KIAA1217: variants seen among roughly 807,000 people sequenced by gnomAD.
KIAA1217 encodes KIAA1217.
In KIAA1217, 88 loss-of-function variants were observed where a neutral mutation model predicts 163.9. That is an observed-to-expected ratio of 0.54 (90% CI 0.45 to 0.64). KIAA1217 has a LOEUF of 0.64. Ranked by LOEUF, KIAA1217 falls within the 30% of genes least tolerant of loss-of-function variation. The pLI is 0.00. For synonymous variants in KIAA1217, 903 were observed against 923.1 expected, an observed-to-expected ratio of 0.98 and a Z score of 0.39; for missense variants, 2,372 against 2,475.0, an observed-to-expected ratio of 0.96 and a Z score of 0.88.
intron 2 of KIAA1217, among the ~76,000 whole-genome samples, chr10:24,326,863 G>A (rs1344316954): frequency 6.6e-6 from 1 of 152,112 alleles, no homozygotes; most frequent in African/African-American, 2.4e-5. Context: ...GATAATTAGG[G>A]AAACGAATGA....
chr10:24,003,433 T>C (rs556578553), intron 1 of KIAA1217, among the ~76,000 whole-genome samples: 3 of 152,218 alleles, frequency 2.0e-5, no homozygotes, highest in Non-Finnish European at 4.4e-5. Context: ...CTTTTTTTTA[T>C]GTTTTTTGGC....
At chr10:24,125,322 C>CTGTGTGTGTG (rs58143239) in intron 2 of KIAA1217, among the ~76,000 whole-genome samples, 1,863 of 143,778 alleles carry the variant, frequency 0.013, 17 homozygotes, top group South Asian at 0.019. Flanking sequence ...ATCCTATGCT[C>CTGTGTGTGTG]TGTGTGTGTG....
intron 2 of KIAA1217, among the ~76,000 whole-genome samples, chr10:24,031,639 T>G (rs931272883): frequency 6.6e-6 from 1 of 152,166 alleles, no homozygotes; most frequent in Admixed American, 6.6e-5. Flanking sequence ...CTTAAATAAT[T>G]TTTAAAGCTG....
intron 1 of KIAA1217, among the ~76,000 whole-genome samples, chr10:23,824,302 G>T (rs1003605576): frequency 6.6e-6 from 1 of 151,200 alleles, no homozygotes; most frequent in Non-Finnish European, 1.5e-5. Flanking sequence ...AATAAAAAGA[G>T]GAGGGACATT....
intron 2 of KIAA1217, among the ~76,000 whole-genome samples, chr10:24,267,171 T>G (rs2076317027): frequency 6.6e-6 from 1 of 152,224 alleles, no homozygotes; most frequent in Non-Finnish European, 1.5e-5. Flanking sequence ...TATAGCTTTG[T>G]GTCTTTCCTC....
At chr10:24,492,331 T>C (rs1199867571) in intron 6 of KIAA1217, among the ~76,000 whole-genome samples, 1 of 152,228 alleles carries the variant, frequency 6.6e-6, no homozygotes, top group Non-Finnish European at 1.5e-5. Context: ...ATGTGGACTA[T>C]TTTATGGCAA....
chr10:24,467,862 G>C (rs1487006374), intron 5 of KIAA1217, among the ~76,000 whole-genome samples: 2 of 151,672 alleles, frequency 1.3e-5, no homozygotes, highest in Non-Finnish European at 2.9e-5. Context: ...TTCTTTGTAA[G>C]TTTAGTATAA....
At chr10:23,832,962 C>G (rs930585881) in intron 1 of KIAA1217, among the ~76,000 whole-genome samples, 3 of 152,120 alleles carry the variant, frequency 2.0e-5, no homozygotes, top group African/African-American at 7.2e-5. Flanking sequence ...ATCATGAGAA[C>G]AGCAGGGAAA....
chr10:23,971,143 G>A (rs150019441), intron 1 of KIAA1217, among the ~76,000 whole-genome samples: 218 of 152,326 alleles, frequency 1.4e-3, no homozygotes, highest in African/African-American at 4.9e-3. Flanking sequence ...CGTGTGCACA[G>A]TGGCCTGCCC....
At chr10:24,311,970 C>T (rs1023571014) in intron 2 of KIAA1217, among the ~76,000 whole-genome samples, 2 of 152,156 alleles carry the variant, frequency 1.3e-5, no homozygotes, top group African/African-American at 4.8e-5. Flanking sequence ...GCTCTCTGCT[C>T]TACAAAGTGG....
At chr10:24,027,249 G>T (rs1404667316) in intron 2 of KIAA1217, among the ~76,000 whole-genome samples, 1 of 152,004 alleles carries the variant, frequency 6.6e-6, no homozygotes, top group African/African-American at 2.4e-5. Flanking sequence ...TCCCCTCCCT[G>T]CACTATGACC....
At chr10:23,964,061 T>C (rs571962707) in intron 1 of KIAA1217, among the ~76,000 whole-genome samples, 124 of 151,968 alleles carry the variant, frequency 8.2e-4, no homozygotes, top group African/African-American at 2.9e-3. Context: ...GCTCAGCTAA[T>C]TTTTTCTTTC....
intron 1 of KIAA1217, among the ~76,000 whole-genome samples, chr10:23,969,281 C>G (rs1427950584): frequency 6.6e-6 from 1 of 152,216 alleles, no homozygotes; most frequent in Non-Finnish European, 1.5e-5. Flanking sequence ...GGTCGTCCAC[C>G]TGCCTCGCCT....
intron 2 of KIAA1217, among the ~76,000 whole-genome samples, chr10:24,243,643 A>AAT (rs575219004): frequency 0.021 from 2,832 of 136,274 alleles, 50 homozygotes; most frequent in African/African-American, 0.048. Flanking sequence ...TATATACAGG[A>AAT]ATATATATAT....
At chr10:24,356,746 A>G (rs2049161300) in intron 2 of KIAA1217, among the ~76,000 whole-genome samples, 1 of 152,216 alleles carries the variant, frequency 6.6e-6, no homozygotes, top group Admixed American at 6.5e-5. Flanking sequence ...ATGGGATGAC[A>G]CAGCAAGAAG....
intron 3 of KIAA1217, among the ~76,000 whole-genome samples, chr10:24,427,570 A>G (rs546269434): frequency 6.6e-6 from 1 of 152,340 alleles, no homozygotes; most frequent in East Asian, 1.9e-4. Context: ...GGGTCATAGT[A>G]TCCATCTGAC....
chr10:23,802,515 A>G (rs903233043), intron 1 of KIAA1217, among the ~76,000 whole-genome samples: 5 of 152,196 alleles, frequency 3.3e-5, no homozygotes, highest in African/African-American at 1.2e-4. Flanking sequence ...GACTTGACCT[A>G]TGGCATAGAA....
intron 1 of KIAA1217, among the ~76,000 whole-genome samples, chr10:23,850,003 T>A (rs1839231050): frequency 6.6e-6 from 1 of 152,156 alleles, no homozygotes. Context: ...TGGATTTTTT[T>A]ATTGTGTGTT....
At chr10:23,994,062 T>C (rs1214741441) in intron 1 of KIAA1217, among the ~76,000 whole-genome samples, 1 of 152,134 alleles carries the variant, frequency 6.6e-6, no homozygotes, top group Non-Finnish European at 1.5e-5. Flanking sequence ...TACTCTAGCT[T>C]GTGAGCAGAT....
Sources: gnomAD v4.1 joint callset for allele counts (sites outside exome capture counted in the v4.1 genomes callset) on GRCh38, gnomAD v4.1.1 for gene constraint, MANE v1.5 for transcripts, NCBI Gene and HGNC (gene_info 2026-07-23, HGNC 2026-07-21) for gene names.